ZNF518A: variants seen among roughly 807,000 people sequenced by gnomAD.
The protein encoded by ZNF518A is zinc finger protein 518A, also known as zinc finger protein 518.
ZNF518A carries 47 observed loss-of-function variants against 102.7 expected under a neutral mutation model. That is an observed-to-expected ratio of 0.46 (90% CI 0.36 to 0.58). ZNF518A has a LOEUF of 0.58. Among genes scored for constraint, ZNF518A ranks in the 20% least tolerant of loss-of-function variants. The pLI, the probability that ZNF518A is intolerant of heterozygous loss-of-function variation, is 0.00. For synonymous variants in ZNF518A, 652 were observed against 594.6 expected, an observed-to-expected ratio of 1.10 and a Z score of -1.40; for missense variants, 1,793 against 1,699.8, an observed-to-expected ratio of 1.05 and a Z score of -0.96.
chr10:96,182,778 T>A (rs1273052902), intron 1 of ZNF518A, among the ~76,000 whole-genome samples: 3 of 152,144 alleles, frequency 2.0e-5, no homozygotes, highest in Admixed American at 6.6e-5. Context: ...GCTATTGCTC[T>A]AAAATTGTTT....
chr10:96,138,737 A>C (rs2081748439), intron 3 of ZNF518A, among the ~76,000 whole-genome samples: 1 of 152,188 alleles, frequency 6.6e-6, no homozygotes, highest in South Asian at 2.1e-4. Flanking sequence ...CTTAGAACGT[A>C]GATGTGGTGC....
At chr10:96,164,065 G>A (rs10509701), downstream of ZNF518A, among the ~76,000 whole-genome samples, 56,790 of 151,986 alleles carry the variant, frequency 0.37, 11,923 homozygotes, top group Middle Eastern at 0.55. Flanking sequence ...ATGAGATAGA[G>A]CAGAAATGCT....
chr10:96,198,084 C>T (rs1554895162), intron 1 of ZNF518A, among the ~76,000 whole-genome samples: 1 of 151,624 alleles, frequency 6.6e-6, no homozygotes, highest in African/African-American at 2.4e-5. Context: ...TGATCAAACT[C>T]AGGAAACAAA....
chr10:96,132,187 T>C (rs2081372840), intron 1 of ZNF518A, among the ~76,000 whole-genome samples: 1 of 151,674 alleles, frequency 6.6e-6, no homozygotes, highest in African/African-American at 2.4e-5. Flanking sequence ...GTATTTCAGT[T>C]CTATATGGGG....
In ZNF518A at chr10:96,189,361, TAA is replaced by T. The variant is rs1383878821; in HGVS notation, n.36-14211_36-14210del. Reference sequence around the variant, plus strand: ...TTAACAAATTGTTTAAACTATTTTCTAAAGAGACTTCCTCCACTGCCAGGATC... The same window carrying T: ...TTAACAAATTGTTTAAACTATTTTCTAGAGACTTCCTCCACTGCCAGGATC... On this transcript the variant is annotated intron_variant and non_coding_transcript_variant, in intron 1 of 2. Transcript: ENST00000442635. 64 of 564,260 alleles carry T rather than the reference TAA, an allele frequency of 1.1e-4. No homozygotes were observed. In the African/African-American group the frequency reaches 1.2e-3, roughly 10 times the overall value. 35.0% of individuals were successfully genotyped at this position (564,260 alleles called of 1,614,324 possible).
intron 1 of ZNF518A, chr10:96,199,626 G>A (rs2083574436): frequency 2.3e-6 from 1 of 431,896 alleles, no homozygotes. Context: ...AAAGGAAAAA[G>A]ATCCTTGTAT....
chr10:96,170,023 C>T (rs1297031151), intron 1 of ZNF518A, among the ~76,000 whole-genome samples: 2 of 152,236 alleles, frequency 1.3e-5, no homozygotes, highest in East Asian at 1.9e-4. Context: ...CATCAACATT[C>T]AGCCAGGTGG....
chr10:96,143,582 G>A (rs587721272), intron 3 of ZNF518A, among the ~76,000 whole-genome samples: 1 of 152,306 alleles, frequency 6.6e-6, no homozygotes, highest in Non-Finnish European at 1.5e-5. Context: ...TCTGTAGTAT[G>A]TAAGAAGCCT....
chr10:96,160,982 T>A lies in ZNF518A; in HGVS notation c.*208T>A. The A allele has an allele frequency of 2.0e-6, 1 of 498,196 alleles. No homozygotes were observed. Among genetic ancestry groups the A allele is most frequent in the Non-Finnish European group, 3.4e-6 (1 of 293,084 alleles). The allele number at this position is 498,196 out of a possible 1,614,324, so 30.9% of individuals were successfully genotyped here. On this transcript the variant is annotated 3_prime_UTR_variant, in exon 6 of 6. Coordinates refer to ENST00000316045, the MANE Select transcript of ZNF518A (RefSeq NM_001330736.2). ...TGCACTCAAAAGTTTTGAAAGAAAC[T>A]AATCACAGCACAGAAGTACCTTGAT...
At chr10:96,191,710 A>G (rs1398645056) in intron 1 of ZNF518A, 14 of 325,824 alleles carry the variant, frequency 4.3e-5, no homozygotes, top group Non-Finnish European at 2.3e-5. Context: ...TATTTTTAAA[A>G]ATAAAAATAT....
At chr10:96,191,531 C>A (rs1389004539) in intron 1 of ZNF518A, among the ~76,000 whole-genome samples, 4 of 151,998 alleles carry the variant, frequency 2.6e-5, no homozygotes, top group African/African-American at 9.7e-5. Flanking sequence ...ACCTTTAATA[C>A]CTTATTTTCT....
chr10:96,142,305 G>GGTGT (rs60624825), intron 3 of ZNF518A, among the ~76,000 whole-genome samples: 2,282 of 103,978 alleles, frequency 0.022, 29 homozygotes, highest in Admixed American at 0.032. Context: ...ATATTCTTAG[G>GGTGT]GTGTGTGTGT....
chr10:96,202,393 A>C (rs1054978195), intron 1 of ZNF518A, among the ~76,000 whole-genome samples: 7 of 152,186 alleles, frequency 4.6e-5, no homozygotes, highest in African/African-American at 7.2e-5. Context: ...GGAAGCAGTG[A>C]GAGTGGTTGG....
downstream of ZNF518A, among the ~76,000 whole-genome samples, chr10:96,164,724 T>C (rs587765228): frequency 7.2e-5 from 11 of 152,326 alleles, no homozygotes; most frequent in African/African-American, 2.6e-4. Context: ...AAATATAATG[T>C]ACATCAATTT....
At chr10:96,173,935 T>C (rs2083188332) in intron 1 of ZNF518A, among the ~76,000 whole-genome samples, 1 of 152,052 alleles carries the variant, frequency 6.6e-6, no homozygotes, top group Non-Finnish European at 1.5e-5. Flanking sequence ...TAGAATTAAA[T>C]TAGAACTTAA....
intron 3 of ZNF518A, among the ~76,000 whole-genome samples, chr10:96,148,225 AG>A (rs2082259255): frequency 6.6e-6 from 1 of 152,088 alleles, no homozygotes; most frequent in African/African-American, 2.4e-5. Flanking sequence ...GGATCACCTG[AG>A]GTTGGGAGTT....
In ZNF518A at chr10:96,156,344, T is replaced by C; in HGVS notation, c.22T>C (p.Leu8=). ...AATCATGCCATCTGAACAGAAACAG[T>C]TATTTTGTGATGAAAAACAAACTAC... MPSEQKQ[L]FCDEKQTTLK... Residue 8 remains leucine (L), a synonymous_variant, in exon 6 of 6, where the codon TTA becomes CTA. Coordinates refer to ENST00000316045, the MANE Select transcript of ZNF518A (RefSeq NM_001330736.2). 1.9e-6 allele frequency: 3 copies of C among 1,580,892 alleles called. No individual in the cohort carries two copies. Among genetic ancestry groups the C allele is most frequent in the Non-Finnish European group, 2.6e-6 (3 of 1,168,844 alleles).
rs36024986 is a variant in ZNF518A at position 96,145,452 on chromosome 10, C to T, written c.-301-9874C>T. ...ATTCCCATTACTTTTTAGGTAGCCT[C>T]ATTCCTCACAAATTAATTGTTAAAT... On this transcript the variant is annotated intron_variant, in intron 3 of 5. Transcript: ENST00000316045. Among the ~76,000 whole-genome samples the T allele has an allele frequency of 4.6e-3, 708 of 152,362 alleles. 3 individuals are homozygous for T. Among genetic ancestry groups the T allele is most frequent in the Admixed American group, 6.9e-3 (106 of 15,314 alleles).
At chr10:96,196,837 C>T (rs1462414748) in intron 1 of ZNF518A, 1 of 1,458,214 alleles carries the variant, frequency 6.9e-7, no homozygotes, top group Non-Finnish European at 9.6e-7. Flanking sequence ...TCTCTAGCAT[C>T]TAATACAGTA....
Sources: gnomAD v4.1 joint callset for allele counts (sites outside exome capture counted in the v4.1 genomes callset) on GRCh38, gnomAD v4.1.1 for gene constraint, MANE v1.5 for transcripts, NCBI Gene and HGNC (gene_info 2026-07-23, HGNC 2026-07-21) for gene names.